The following GTF3C1 variants were observed in gnomAD, a reference collection of about 807,000 sequenced individuals.
GTF3C1 encodes general transcription factor 3C polypeptide 1.
GTF3C1 carries 57 observed loss-of-function variants against 226.7 expected under a neutral mutation model. That is an observed-to-expected ratio of 0.25 (90% CI 0.20 to 0.31). The LOEUF is 0.31. Ranked by LOEUF, GTF3C1 falls within the 10% of genes least tolerant of loss-of-function variation. GTF3C1 has a pLI of 1.00. For missense variants in GTF3C1, 2,217 were observed against 2,776.1 expected, an observed-to-expected ratio of 0.80 and a Z score of 4.53; for synonymous variants, 1,090 against 1,084.8, an observed-to-expected ratio of 1.00 and a Z score of -0.09.
intron 2 of GTF3C1, among the ~76,000 whole-genome samples, chr16:27,541,941 T>C (rs535645174): frequency 1.2e-4 from 18 of 152,164 alleles, no homozygotes; most frequent in African/African-American, 4.3e-4. Context: ...CTGTAAAAAA[T>C]TGGTCTCAGT....
Position 27,464,704 on chromosome 16 carries a change from C to T in GTF3C1, c.5488G>A (p.Glu1830Lys). The T allele has an allele frequency of 6.3e-7, 1 of 1,598,110 alleles. No homozygotes were observed. The highest frequency in any genetic ancestry group is 8.5e-7 in the Non-Finnish European group (1 of 1,177,518). Reference sequence around the variant, plus strand: ...TCCAGGGGTCTGGCCTGGGGGTCTTCTCTCTGGATGTCGGCGTCTTCTCTG... The same window carrying T: ...TCCAGGGGTCTGGCCTGGGGGTCTTTTCTCTGGATGTCGGCGTCTTCTCTG... ...KDREDADIQR[E>K]DPQARPLEGS... The change falls in exon 34 of 37, where the codon GAA becomes AAA. Residue 1830 changes from glutamate (E) to lysine (K), a missense_variant. Glu to Lys is a moderately conservative substitution (Grantham distance 56). Around this residue, in one of 12 missense-constraint regions of GTF3C1, gnomAD observed 455 missense variants for 441.9 expected, o/e 1.03. Transcript: ENST00000356183.
rs1235900931 is a variant in GTF3C1 at position 27,542,584 on chromosome 16, T to G, written c.431+2730A>C. 2.6e-5 allele frequency among the ~76,000 whole-genome samples: 4 copies of G among 151,414 alleles called. No homozygotes were observed. The East Asian group carries it at 7.8e-4, about 29-fold the overall frequency. On this transcript the variant is annotated intron_variant, in intron 2 of 36. Transcript: ENST00000356183. ...CTCAAAAAGAAAAAAAAAAAAAAGT[T>G]TAATCCCCAGTGCAGCAGCATTGGG...
At chr16:27,514,465 A>G (rs193001787) in intron 6 of GTF3C1, among the ~76,000 whole-genome samples, 61 of 152,200 alleles carry the variant, frequency 4.0e-4, no homozygotes, top group Non-Finnish European at 7.5e-4. Flanking sequence ...CTCCCTTTCT[A>G]CAAGCAGCAC....
In GTF3C1 at chr16:27,481,073, G is replaced by A. The variant is rs2088037612; in HGVS notation, c.4196+6C>T. ...GCCACATGGAACCATCCCAGAAACG[G>A]CTTACCTGGCGAACAGCTCCTGGAG... On this transcript the variant is annotated splice_donor_region_variant and intron_variant, in intron 27 of 36. Coordinates refer to ENST00000356183, the MANE Select transcript of GTF3C1 (RefSeq NM_001520.4). 6.2e-7 allele frequency: 1 copy of A among 1,611,064 alleles called. No homozygotes were observed. Among genetic ancestry groups the A allele is most frequent in the Non-Finnish European group, 8.5e-7 (1 of 1,177,174 alleles).
At chr16:27,526,311 G>A (rs2088834146) in intron 6 of GTF3C1, among the ~76,000 whole-genome samples, 1 of 152,178 alleles carries the variant, frequency 6.6e-6, no homozygotes, top group Non-Finnish European at 1.5e-5. Context: ...GCCAAGCTGG[G>A]AGCAGCAGCT....
chr16:27,523,105 T>A (rs1487021220), intron 6 of GTF3C1, among the ~76,000 whole-genome samples: 6 of 152,230 alleles, frequency 3.9e-5, no homozygotes. Context: ...GCACAATTTC[T>A]GTGAGTTGTT....
intron 29 of GTF3C1, among the ~76,000 whole-genome samples, chr16:27,475,709 C>G (rs1279354944): frequency 1.3e-5 from 2 of 152,192 alleles, no homozygotes; most frequent in African/African-American, 4.8e-5. Context: ...GTTCTTTCAG[C>G]CGCAGTAGAG....
intron 16 of GTF3C1, among the ~76,000 whole-genome samples, chr16:27,494,127 T>A: frequency 6.6e-6 from 1 of 152,180 alleles, no homozygotes; most frequent in African/African-American, 2.4e-5. Flanking sequence ...TTTGGTCGGG[T>A]GCAATGGCTC....
chr16:27,492,378 G>A lies in GTF3C1; in HGVS notation c.3111C>T (p.Tyr1037=). ...GGCAGACGCACTGCAGGTCAAACCA[G>A]TAGTTTTCCACATCCTGCATTGAGT... ...VLNSMQDVEN[Y]WFDLQCVCLN... The change falls in exon 19 of 37, where the codon TAC becomes TAT. Residue 1037 remains tyrosine, a synonymous_variant. Transcript: ENST00000356183. This position sits in a 1 kb window ranked among gnomAD's most constrained non-coding sequence, Gnocchi z 5.0. 6.2e-7 allele frequency: 1 copy of A among 1,610,276 alleles called. No individual in the cohort carries two copies. The highest frequency in any genetic ancestry group is 1.1e-5 in the South Asian group (1 of 90,936).
intron 19 of GTF3C1, among the ~76,000 whole-genome samples, chr16:27,490,254 G>A (rs1247630641): frequency 2.0e-5 from 3 of 152,252 alleles, no homozygotes; most frequent in Non-Finnish European, 4.4e-5. Context: ...AAGTGCTCAA[G>A]AGGTTTGCTA....
At chr16:27,503,092 T>C in intron 10 of GTF3C1, 97 bp from the exon 11 acceptor site, 1 of 820,772 alleles carries the variant, frequency 1.2e-6, no homozygotes, top group Non-Finnish European at 2.0e-6. Flanking sequence ...TTCAAGAAAC[T>C]TCTACTCCCA....
chr16:27,512,534 T>C (rs539776552), intron 6 of GTF3C1, among the ~76,000 whole-genome samples: 2 of 152,282 alleles, frequency 1.3e-5, no homozygotes, highest in Admixed American at 1.3e-4. Flanking sequence ...ATCTTATGCA[T>C]ACTACAAAAA....
intron 19 of GTF3C1, among the ~76,000 whole-genome samples, chr16:27,491,486 G>A (rs1596630061): frequency 6.6e-6 from 1 of 152,212 alleles, no homozygotes; most frequent in East Asian, 1.9e-4. Flanking sequence ...CTAGGCACAA[G>A]GAACTCCCAA....
At chr16:27,543,522 C>A (rs1163050105) in intron 2 of GTF3C1, among the ~76,000 whole-genome samples, 1 of 152,194 alleles carries the variant, frequency 6.6e-6, no homozygotes, top group Non-Finnish European at 1.5e-5. Context: ...TCCCAAGTAG[C>A]TGGTACTACA....
At chr16:27,547,047 C>T (rs2089175947) in intron 1 of GTF3C1, among the ~76,000 whole-genome samples, 1 of 152,006 alleles carries the variant, frequency 6.6e-6, no homozygotes, top group Non-Finnish European at 1.5e-5. Flanking sequence ...CAGCCCAACC[C>T]TCCGTTCTTA....
At chr16:27,529,674 G>T (rs1214020644) in intron 5 of GTF3C1, among the ~76,000 whole-genome samples, 1 of 152,194 alleles carries the variant, frequency 6.6e-6, no homozygotes, top group African/African-American at 2.4e-5. Flanking sequence ...AAATTGAAAA[G>T]TGAGTGATTT....
intron 19 of GTF3C1, among the ~76,000 whole-genome samples, chr16:27,490,160 G>A (rs947013057): frequency 3.9e-5 from 6 of 152,168 alleles, no homozygotes; most frequent in Non-Finnish European, 7.4e-5. Context: ...GATACGGAGG[G>A]GCCTGTACAG....
chr16:27,479,318 ATTT>A (rs34141031), intron 27 of GTF3C1, among the ~76,000 whole-genome samples: 54 of 149,652 alleles, frequency 3.6e-4, no homozygotes, highest in Non-Finnish European at 7.0e-4. Flanking sequence ...CCATTTCCCC[ATTT>A]TTTTTTTGAG....
intron 29 of GTF3C1, among the ~76,000 whole-genome samples, chr16:27,472,320 A>T (rs2087887135): frequency 6.6e-6 from 1 of 152,094 alleles, no homozygotes; most frequent in African/African-American, 2.4e-5. Context: ...TCTACCTTCC[A>T]ATGCATCGGG....
Sources: allele counts gnomAD v4.1 joint callset (sites outside exome capture counted in the v4.1 genomes callset), GRCh38; gene constraint gnomAD v4.1.1; regional missense constraint gnomAD v4.1.1; non-coding constraint Gnocchi (gnomAD v3.1); transcripts MANE v1.5; gene names NCBI Gene and HGNC (gene_info 2026-07-23, HGNC 2026-07-21).